The following UGT1A10 variants were observed in gnomAD, a reference collection of about 807,000 sequenced individuals.
The protein encoded by UGT1A10 is UDP glucuronosyltransferase family 1 member A10, also known as UDP-glucuronosyltransferase 1A10.
Under a neutral mutation model 45.8 loss-of-function variants are expected in UGT1A10, and 49 were observed. The observed-to-expected ratio is 1.07, with a 90% CI of 0.85 to 1.36. The LOEUF is 1.36. UGT1A10 is among the 40% of genes most tolerant of loss of function. The pLI is 0.00. For synonymous variants in UGT1A10, 284 were observed against 249.7 expected (o/e 1.14, Z -1.29); for missense variants, 745 against 668.6 (o/e 1.11, Z -1.26).
intron 1 of UGT1A10, among the ~76,000 whole-genome samples, chr2:233,736,051 TG>T (rs2078724849): frequency 6.6e-6 from 1 of 152,250 alleles, no homozygotes; most frequent in South Asian, 2.1e-4. Context: ...ATTTGAATGT[TG>T]GCCTGCCTTG....
chr2:233,697,746 G>C (rs1034433125), intron 1 of UGT1A10, among the ~76,000 whole-genome samples: 10 of 151,906 alleles, frequency 6.6e-5, no homozygotes, highest in Non-Finnish European at 1.5e-4. Context: ...TTTTGCTATA[G>C]CCCATAGATT....
intron 3 of UGT1A10, 40 bp downstream of exon 3, chr2:233,767,976 C>A: frequency 6.2e-7 from 1 of 1,614,040 alleles, no homozygotes; most frequent in South Asian, 1.1e-5. Context: ...AAACCAGGGT[C>A]AAATTAAGAA....
At chr2:233,694,304 G>GT (rs35761222) in intron 1 of UGT1A10, among the ~76,000 whole-genome samples, 7,473 of 145,330 alleles carry the variant, frequency 0.051, 283 homozygotes, top group African/African-American at 0.1. Flanking sequence ...CCTGTTTTTT[G>GT]TTTTTTTTTT....
rs1033838664 is a variant in UGT1A10 at position 233,759,586 on chromosome 2, C to T, written c.856-7448C>T. On this transcript the variant is annotated intron_variant, in intron 1 of 4. Transcript: ENST00000344644. ...TCTGGTCATTCTCTACCCCAGCACG[C>T]CCCCCACCCCCGACCCGCCCCACCC... is the stretch of plus-strand genomic sequence containing the variant. 1.1e-4 allele frequency among the ~76,000 whole-genome samples: 16 copies of T among 147,554 alleles called. No homozygotes were observed. In the South Asian group the frequency reaches 2.0e-3, roughly 18 times the overall value.
At chr2:233,691,502 G>T in intron 1 of UGT1A10, 2 of 985,742 alleles carry the variant, frequency 2.0e-6, no homozygotes, top group Non-Finnish European at 2.4e-6. Context: ...ACAGGAACTC[G>T]CGTGCCAGCC....
chr2:233,718,130 TGG>T, intron 1 of UGT1A10: 1 of 281,258 alleles, frequency 3.6e-6, no homozygotes. Flanking sequence ...ATGGTGTAGA[TGG>T]AGAATCCTCA....
chr2:233,719,068 C>G (rs1363775237), intron 1 of UGT1A10: 3 of 1,614,146 alleles, frequency 1.9e-6, no homozygotes, highest in Admixed American at 3.3e-5. Flanking sequence ...TATGCTGTTC[C>G]ATGGACCCAG....
In UGT1A10 at chr2:233,728,580, C is replaced by T. The variant is rs28898616; in HGVS notation, c.856-38454C>T. ...ACAAGAAATATCCTGGTGCGAAAAA[C>T]GACCAAAACCACATAGCCAGCCTCC... On this transcript the variant is annotated intron_variant, in intron 1 of 4. Transcript: ENST00000344644. Among the ~76,000 whole-genome samples, 824 of 152,300 alleles carry T rather than the reference C, an allele frequency of 5.4e-3. 4 individuals are homozygous for T. Among genetic ancestry groups the T allele is most frequent in the African/African-American group, 0.019 (777 of 41,552 alleles).
At chr2:233,664,547 G>A (rs1160839345) in intron 1 of UGT1A10, among the ~76,000 whole-genome samples, 4 of 152,154 alleles carry the variant, frequency 2.6e-5, no homozygotes, top group Admixed American at 2.0e-4. Context: ...GAAGCCTCAG[G>A]GAGTGTTTAC....
At chr2:233,767,231 C>A in intron 2 of UGT1A10, 66 bp downstream of exon 2, 1 of 1,609,938 alleles carries the variant, frequency 6.2e-7, no homozygotes, top group Non-Finnish European at 8.5e-7. Flanking sequence ...AGACTTCCAG[C>A]TTCCAGATTA....
At chr2:233,719,379 T>C in intron 1 of UGT1A10, 1 of 1,613,988 alleles carries the variant, frequency 6.2e-7, no homozygotes, top group Non-Finnish European at 8.5e-7. Context: ...GGGCACACAG[T>C]GTCCAAATCC....
chr2:233,659,828 A>G (rs969696004), intron 1 of UGT1A10, among the ~76,000 whole-genome samples: 1 of 152,218 alleles, frequency 6.6e-6, no homozygotes, highest in African/African-American at 2.4e-5. Context: ...GCAGTCTTCA[A>G]TAATCGGAAT....
intron 1 of UGT1A10, among the ~76,000 whole-genome samples, chr2:233,715,544 G>A (rs1354497871): frequency 6.6e-6 from 1 of 152,116 alleles, no homozygotes; most frequent in Non-Finnish European, 1.5e-5. Flanking sequence ...GACCGAGGGA[G>A]GAGGATTGCT....
At chr2:233,696,118 A>G (rs919527983) in intron 1 of UGT1A10, among the ~76,000 whole-genome samples, 1 of 152,248 alleles carries the variant, frequency 6.6e-6, no homozygotes, top group African/African-American at 2.4e-5. Context: ...AAAAAGAACT[A>G]GAACTGCCCC....
At chr2:233,676,944 A>G (rs577325095) in intron 1 of UGT1A10, among the ~76,000 whole-genome samples, 1 of 152,194 alleles carries the variant, frequency 6.6e-6, no homozygotes, top group East Asian at 1.9e-4. Flanking sequence ...TTTGTGAAAT[A>G]TTTGATTACT....
chr2:233,723,051 G>T (rs1327620442), intron 1 of UGT1A10, among the ~76,000 whole-genome samples: 1 of 141,468 alleles, frequency 7.1e-6, no homozygotes, highest in Non-Finnish European at 1.5e-5. Context: ...GGCACACTCG[G>T]TGTAACTTTA....
intron 1 of UGT1A10, among the ~76,000 whole-genome samples, chr2:233,764,613 G>C (rs1465626858): frequency 6.6e-6 from 1 of 152,080 alleles, no homozygotes; most frequent in Admixed American, 6.5e-5. Context: ...GTAAGAGTGG[G>C]TTTCATGAAG....
chr2:233,743,846 C>T lies in UGT1A10; in HGVS notation c.856-23188C>T, dbSNP rs779214397. On this transcript the variant is annotated intron_variant, in intron 1 of 4. Transcript: ENST00000344644. ...GGGGTGCCACTTGAGCGCCAGCTTG[C>T]GGTACGCCTTCTTGATGGCCTCGGA... 13 of 1,367,112 alleles carry T rather than the reference C, an allele frequency of 9.5e-6. No individual in the cohort carries two copies. The Admixed American group carries it at 1.1e-4, about 12-fold the overall frequency. The allele number at this position is 1,367,112 out of a possible 1,614,324, so 84.7% of individuals were successfully genotyped here.
chr2:233,733,519 G>C (rs951555502), intron 1 of UGT1A10, among the ~76,000 whole-genome samples: 3 of 152,168 alleles, frequency 2.0e-5, no homozygotes, highest in Non-Finnish European at 2.9e-5. Context: ...AGGCATGAAG[G>C]GATGTTTAAT....
Sources: gnomAD v4.1 joint callset for allele counts (sites outside exome capture counted in the v4.1 genomes callset) on GRCh38, gnomAD v4.1.1 for gene constraint, MANE v1.5 for transcripts, NCBI Gene and HGNC (gene_info 2026-07-23, HGNC 2026-07-21) for gene names.